The following NRXN3 variants were observed in gnomAD, a reference collection of about 807,000 sequenced individuals.
NRXN3 encodes neurexin III.
A neutral mutation model predicts 137.6 loss-of-function variants in NRXN3; 32 were observed. That is an observed-to-expected ratio of 0.23 (90% CI 0.18 to 0.31). NRXN3 has a LOEUF of 0.31. Among genes scored for constraint, NRXN3 ranks in the 10% least tolerant of loss-of-function variants. The pLI, the probability that NRXN3 is intolerant of heterozygous loss-of-function variation, is 1.00. For missense variants in NRXN3, 1,574 were observed against 2,062.5 expected (o/e 0.76, Z 4.59); for synonymous variants, 798 against 784.5 (o/e 1.02, Z -0.29).
chr14:79,602,512 A>T lies in NRXN3; in HGVS notation c.3445-61266A>T, dbSNP rs562083756. Among the ~76,000 whole-genome samples, 8 of 151,844 alleles carry T rather than the reference A, an allele frequency of 5.3e-5. No individual in the cohort carries two copies. The South Asian group carries it at 1.7e-3, about 32-fold the overall frequency. Reference sequence around the variant, plus strand: ...TCTTCAGTTATTTCTACCTGTTCCAACCTCCCTCCTGATAGCACCCCAGTA... The same window carrying T: ...TCTTCAGTTATTTCTACCTGTTCCATCCTCCCTCCTGATAGCACCCCAGTA... On this transcript the variant is annotated intron_variant, in intron 16 of 20. Coordinates refer to ENST00000335750, the MANE Select transcript of NRXN3 (RefSeq NM_001330195.2).
intron 6 of NRXN3, among the ~76,000 whole-genome samples, chr14:78,700,443 G>C (rs2098267698): frequency 6.6e-6 from 1 of 152,168 alleles, no homozygotes; most frequent in Admixed American, 6.5e-5. Context: ...GCTGGGAAAG[G>C]AGGGTAGAGG....
At chr14:79,458,575 A>G (rs1360326958) in intron 15 of NRXN3, among the ~76,000 whole-genome samples, 1 of 152,206 alleles carries the variant, frequency 6.6e-6, no homozygotes, top group Non-Finnish European at 1.5e-5. Flanking sequence ...AGATAAATAA[A>G]TTAAACAGCC....
chr14:79,550,312 C>T (rs1001992943), intron 16 of NRXN3, among the ~76,000 whole-genome samples: 1 of 152,040 alleles, frequency 6.6e-6, no homozygotes, highest in Non-Finnish European at 1.5e-5. Flanking sequence ...ACCCTTATTC[C>T]TAAGAAATCC....
At chr14:78,456,799 CTCTT>C (rs374674586) in intron 4 of NRXN3, among the ~76,000 whole-genome samples, 8,653 of 97,630 alleles carry the variant, frequency 0.089, 402 homozygotes, top group African/African-American at 0.14. Context: ...CTCTCTTTCT[CTCTT>C]TCTTTCTTTC....
At chr14:78,522,936 C>A (rs2096307214) in intron 4 of NRXN3, among the ~76,000 whole-genome samples, 2 of 152,216 alleles carry the variant, frequency 1.3e-5, no homozygotes. Flanking sequence ...AATCCAGCCA[C>A]ACTTGAACCA....
At chr14:78,504,850 T>C (rs964945673) in intron 4 of NRXN3, among the ~76,000 whole-genome samples, 4 of 152,130 alleles carry the variant, frequency 2.6e-5, no homozygotes, top group Non-Finnish European at 5.9e-5. Flanking sequence ...TTACAGAAGA[T>C]GTCTAAAGAT....
Position 79,831,758 on chromosome 14 carries a change from C to T in NRXN3, c.4093+26568C>T, listed in dbSNP as rs367912248. ...CTAATACAGTGTTTTGGAAAGATGC[C>T]GACAACAACCAGATTGCATTAAGCA... On this transcript the variant is annotated intron_variant, in intron 20 of 20. Coordinates refer to ENST00000335750, the MANE Select transcript of NRXN3 (RefSeq NM_001330195.2). 3.9e-5 allele frequency among the ~76,000 whole-genome samples: 6 copies of T among 152,114 alleles called. No individual in the cohort carries two copies. The South Asian group carries it at 1.0e-3, about 26-fold the overall frequency.
chr14:78,741,124 T>C (rs1218455203), intron 8 of NRXN3, among the ~76,000 whole-genome samples: 1 of 152,190 alleles, frequency 6.6e-6, no homozygotes, highest in African/African-American at 2.4e-5. Context: ...TAGTTATCAA[T>C]TAGCAGTGAC....
chr14:78,522,853 G>A (rs905691462), intron 4 of NRXN3, among the ~76,000 whole-genome samples: 5 of 152,120 alleles, frequency 3.3e-5, no homozygotes, highest in African/African-American at 9.7e-5. Context: ...ATTAATTAGC[G>A]AGAGAAGAGC....
chr14:78,239,693 C>A (rs1299271297), intron 1 of NRXN3, among the ~76,000 whole-genome samples: 1 of 151,946 alleles, frequency 6.6e-6, no homozygotes, highest in African/African-American at 2.4e-5. Context: ...TCTTTCAAGT[C>A]TTTTCTTTTC....
rs530488242 is a variant in NRXN3 at position 78,421,211 on chromosome 14, C to T, written c.757+123351C>T. Among the ~76,000 whole-genome samples the T allele has an allele frequency of 6.0e-5, 9 of 149,472 alleles. No homozygotes were observed. The East Asian group carries it at 1.2e-3, about 20-fold the overall frequency. ...CCGGGAGGCGGAGCTTGCAGTGAGC[C>T]GAGATTGTGCCATTGCACTCTAGCC... On this transcript the variant is annotated intron_variant, in intron 4 of 20. Coordinates refer to ENST00000335750, the MANE Select transcript of NRXN3 (RefSeq NM_001330195.2).
At chr14:79,331,306 TTA>T (rs904425649) in intron 15 of NRXN3, among the ~76,000 whole-genome samples, 4 of 152,308 alleles carry the variant, frequency 2.6e-5, no homozygotes, top group Non-Finnish European at 4.4e-5. Context: ...TAAAAGTTGC[TTA>T]TATTCCTAAC....
intron 15 of NRXN3, among the ~76,000 whole-genome samples, chr14:79,396,984 T>A (rs1327506444): frequency 6.6e-6 from 1 of 152,152 alleles, no homozygotes; most frequent in Non-Finnish European, 1.5e-5. Context: ...CCTCCTAGTA[T>A]AATGCTAAAG....
chr14:79,598,025 T>G (rs1445223739), intron 16 of NRXN3, among the ~76,000 whole-genome samples: 1 of 152,188 alleles, frequency 6.6e-6, no homozygotes, highest in East Asian at 1.9e-4. Context: ...GTGTAAACAT[T>G]AAATAATTCT....
intron 4 of NRXN3, among the ~76,000 whole-genome samples, chr14:78,450,909 T>C (rs1400288669): frequency 6.6e-6 from 1 of 151,870 alleles, no homozygotes; most frequent in Non-Finnish European, 1.5e-5. Context: ...TGACGGTGTT[T>C]GGGGTGTGTG....
intron 4 of NRXN3, among the ~76,000 whole-genome samples, chr14:78,494,735 T>C (rs547081600): frequency 2.0e-5 from 3 of 152,298 alleles, no homozygotes; most frequent in Admixed American, 6.5e-5. Context: ...TATTATGAAG[T>C]ACATGAATAA....
At chr14:79,675,719 G>C (rs10130593) in intron 17 of NRXN3, among the ~76,000 whole-genome samples, 60,646 of 151,890 alleles carry the variant, frequency 0.4, 15,126 homozygotes, top group African/African-American at 0.71. Context: ...CTCCATTTAC[G>C]TATAGTTAAA....
At chr14:79,258,594 G>A (rs902787241) in intron 15 of NRXN3, among the ~76,000 whole-genome samples, 1 of 152,126 alleles carries the variant, frequency 6.6e-6, no homozygotes, top group African/African-American at 2.4e-5. Context: ...AATTTCAGCT[G>A]TGTTAATAAC....
At chr14:79,315,243 C>G (rs920154112) in intron 15 of NRXN3, among the ~76,000 whole-genome samples, 1 of 152,150 alleles carries the variant, frequency 6.6e-6, no homozygotes, top group African/African-American at 2.4e-5. Flanking sequence ...TGAAAGCTTA[C>G]AAGTCTTCAT....
Sources: allele counts gnomAD v4.1 joint callset (sites outside exome capture counted in the v4.1 genomes callset), GRCh38; gene constraint gnomAD v4.1.1; transcripts MANE v1.5; gene names NCBI Gene and HGNC (gene_info 2026-07-23, HGNC 2026-07-21).